The following SYNE2 variants were observed in gnomAD, a reference collection of about 807,000 sequenced individuals.
SYNE2 encodes the protein spectrin repeat containing nuclear envelope protein 2.
SYNE2 carries 431 observed loss-of-function variants against 856.3 expected under a neutral mutation model. The observed-to-expected ratio is 0.50, with a 90% CI of 0.47 to 0.55. The LOEUF (loss-of-function observed/expected upper bound fraction) is 0.55. SYNE2 is among the 20% of genes least tolerant of loss of function. The pLI, the probability that SYNE2 is intolerant of heterozygous loss-of-function variation, is 0.00. For synonymous variants in SYNE2, 2,923 were observed against 2,872.3 expected, an observed-to-expected ratio of 1.02 and a Z score of -0.56; for missense variants, 8,129 against 8,023.2, an observed-to-expected ratio of 1.01 and a Z score of -0.50.
Position 64,141,937 on chromosome 14 carries a change from T to TA in SYNE2, c.15160-4dup, listed in dbSNP as rs2098142353. 6.2e-7 allele frequency: 1 copy of TA among 1,613,790 alleles called. No individual in the cohort carries two copies. The highest frequency in any genetic ancestry group is 8.5e-7 in the Non-Finnish European group (1 of 1,179,936). ...AATTAAATGGAAATCATTTTGTTCT[T>TA]ACAGCTTCAAATGGAGAAATTGCCG... On this transcript the variant is annotated splice_polypyrimidine_tract_variant and splice_region_variant and intron_variant, in intron 81 of 115. Transcript: ENST00000555002.
chr14:64,187,977 T>G (rs1455638869), intron 97 of SYNE2, among the ~76,000 whole-genome samples: 1 of 152,178 alleles, frequency 6.6e-6, no homozygotes, highest in Non-Finnish European at 1.5e-5. Context: ...TGATGATACT[T>G]TTATGGTTTC....
intron 1 of SYNE2, among the ~76,000 whole-genome samples, chr14:63,807,481 A>G (rs893370687): frequency 5.3e-5 from 8 of 152,086 alleles, no homozygotes; most frequent in African/African-American, 1.9e-4. Context: ...TTGGAAAAGG[A>G]TATCTTGTGT....
At chr14:64,013,966 A>T (rs957992798) in intron 32 of SYNE2, among the ~76,000 whole-genome samples, 5 of 151,984 alleles carry the variant, frequency 3.3e-5, no homozygotes, top group Non-Finnish European at 7.4e-5. Context: ...CACCACAAGG[A>T]TTCTTGTTAT....
Position 63,960,688 on chromosome 14 carries a change from A to G in SYNE2, c.788-837A>G, listed in dbSNP as rs1220902646. On this transcript the variant is annotated intron_variant, in intron 8 of 115. Transcript: ENST00000555002. ...ATTAGGTGTTCATTTTGTCTGTGAC[A>G]TATTGCATTCACCCTTTTGTGATTT... 1.5e-5 allele frequency: 11 copies of G among 741,498 alleles called. No homozygotes were observed. In the South Asian group the frequency reaches 1.5e-4, roughly 10 times the overall value. The allele number at this position is 741,498 out of a possible 1,614,324, so 45.9% of individuals were successfully genotyped here.
At chr14:63,986,195 G>T (rs1244039667) in intron 18 of SYNE2, among the ~76,000 whole-genome samples, 2 of 152,028 alleles carry the variant, frequency 1.3e-5, no homozygotes, top group East Asian at 1.9e-4. Flanking sequence ...AAACTCCTGG[G>T]TTTAGGCAAT....
chr14:63,785,107 T>C (rs56859650), intron 1 of SYNE2, among the ~76,000 whole-genome samples: 5,315 of 152,248 alleles, frequency 0.035, 184 homozygotes, highest in African/African-American at 0.085. Context: ...TATTTTTGTT[T>C]TGGAAATATT....
intron 1 of SYNE2, among the ~76,000 whole-genome samples, chr14:63,881,903 C>A (rs1371388767): frequency 2.6e-5 from 4 of 152,168 alleles, no homozygotes; most frequent in Non-Finnish European, 4.4e-5. Flanking sequence ...ATTATGGAGA[C>A]TGTTAGCCTT....
chr14:64,170,260 C>T lies in SYNE2; in HGVS notation c.17033C>T (p.Thr5678Met), dbSNP rs147365925. Residue 5678 changes from threonine to methionine, a missense_variant, in exon 94 of 116, where the codon ACG becomes ATG. Around this residue, in one of 3 missense-constraint regions of SYNE2, gnomAD observed 5,410 missense variants for 5,284.8 expected, o/e 1.02. Transcript: ENST00000555002. ...PEFITEFSKL[T>M]DRWQNAVQGV... Reference sequence around the variant, plus strand: ...TTTATTACAGAATTCTCAAAGCTGACGGATCGGTGGCAGAATGCTGTCCAG... The same window carrying T: ...TTTATTACAGAATTCTCAAAGCTGATGGATCGGTGGCAGAATGCTGTCCAG... 644 of 1,614,058 alleles carry T rather than the reference C, an allele frequency of 4.0e-4. No homozygotes were observed. The highest frequency in any genetic ancestry group is 1.9e-3 in the Admixed American group (112 of 60,028).
chr14:63,909,302 T>C, intron 2 of SYNE2, 75 bp downstream of exon 2: 1 of 983,340 alleles, frequency 1.0e-6, no homozygotes, highest in Non-Finnish European at 1.6e-6. Flanking sequence ...CAAGTCACAC[T>C]GATTTTCGTC....
At chr14:64,128,391 T>C (rs923887085) in intron 73 of SYNE2, 61 bp from the exon 74 acceptor site, 55 of 900,100 alleles carry the variant, frequency 6.1e-5, no homozygotes, top group Non-Finnish European at 9.5e-5. Context: ...ACCAACTAAA[T>C]ATAAAAAAAG....
At chr14:63,781,524 G>A (rs546355748) in intron 1 of SYNE2, among the ~76,000 whole-genome samples, 13 of 150,076 alleles carry the variant, frequency 8.7e-5, no homozygotes, top group Non-Finnish European at 1.8e-4. Context: ...TCGCTCTGTC[G>A]CCCAGGCTGG....
Position 63,919,972 on chromosome 14 carries a change from G to GTTTTTTTTTTTTTTT in SYNE2, c.79+10750_79+10764dup, listed in dbSNP as rs10673123. ...ATATCAGGCACATGATAAAAGGTAAGTTTTTTTTTTTTTTTTTTTAAGGTA... is the reference window on the plus strand; with the variant it reads ...ATATCAGGCACATGATAAAAGGTAAGTTTTTTTTTTTTTTTTTTTTTTTTTTTTTTTTTTAAGGTA... On this transcript the variant is annotated intron_variant, in intron 2 of 115. Transcript: ENST00000555002. Among the ~76,000 whole-genome samples, 290 of 110,554 alleles carry GTTTTTTTTTTTTTTT rather than the reference G, an allele frequency of 2.6e-3. 12 individuals carry two copies. Among genetic ancestry groups the GTTTTTTTTTTTTTTT allele is most frequent in the Non-Finnish European group, 3.7e-3 (205 of 55,118 alleles). The allele number at this position is 110,554 out of a possible 152,430, so 72.5% of individuals were successfully genotyped here. A position where few individuals can be genotyped will look rare whatever the true frequency, so the allele number is the denominator to read the frequency against.
intron 14 of SYNE2, 31 bp from the exon 15 acceptor site, chr14:63,980,623 A>C (rs563790469): frequency 2.0e-4 from 291 of 1,432,202 alleles, no homozygotes; most frequent in South Asian, 1.2e-3. Flanking sequence ...AAAAGTAAAA[A>C]CTGTCAATAT....
rs373301640 is a variant in SYNE2 at position 64,192,320 on chromosome 14, A to G, written c.18038+2083A>G. ...CGGGCCCTTGGCACTAGTCGAGGGT[A>G]TGATGGCATCAAACCCATTCATGGA... On this transcript the variant is annotated intron_variant, in intron 99 of 115. Coordinates refer to ENST00000555002, the MANE Select transcript of SYNE2 (RefSeq NM_182914.3). 7.2e-5 allele frequency among the ~76,000 whole-genome samples: 11 copies of G among 152,310 alleles called. No individual in the cohort carries two copies. The East Asian group carries it at 7.7e-4, about 11-fold the overall frequency.
chr14:64,123,030 C>T (rs1331139477), intron 70 of SYNE2, among the ~76,000 whole-genome samples: 6 of 149,942 alleles, frequency 4.0e-5, no homozygotes, highest in Non-Finnish European at 7.4e-5. Context: ...ACCTGGGAGG[C>T]GGAGGTTATG....
Position 64,139,450 on chromosome 14 carries a change from C to T in SYNE2, c.14844-491C>T, listed in dbSNP as rs1232121201. On this transcript the variant is annotated intron_variant, in intron 79 of 115. Coordinates refer to ENST00000555002, the MANE Select transcript of SYNE2 (RefSeq NM_182914.3). ...TATTTGAGACAGAGTCTTGCTCTGTCGCCCAGGCTGGAGTACAGTGGCGCA... is the reference window on the plus strand; with the variant it reads ...TATTTGAGACAGAGTCTTGCTCTGTTGCCCAGGCTGGAGTACAGTGGCGCA... Among the ~76,000 whole-genome samples the T allele has an allele frequency of 2.6e-5, 4 of 151,220 alleles. No individual in the cohort carries two copies. In the South Asian group the frequency reaches 8.4e-4, roughly 32 times the overall value.
At position 63,964,890 on chromosome 14, in the gene SYNE2, C is replaced by T. The variant is rs117456350; in HGVS notation, c.990+890C>T. On this transcript the variant is annotated intron_variant, in intron 10 of 115. Transcript: ENST00000555002. ...ATCAGGAATAGGGATCCTAGAATTA[C>T]AATACAGGGCTCAACCGAGAGTCCT... Among the ~76,000 whole-genome samples, 664 of 150,944 alleles carry T rather than the reference C, an allele frequency of 4.4e-3. 30 individuals carry two copies. In the East Asian group the frequency reaches 0.1, roughly 24 times the overall value.
intron 1 of SYNE2, among the ~76,000 whole-genome samples, chr14:63,871,228 A>C (rs1400642201): frequency 6.6e-6 from 1 of 150,890 alleles, no homozygotes; most frequent in Non-Finnish European, 1.5e-5. Context: ...TTTTTGAGAC[A>C]GAGTTTCACT....
chr14:63,836,926 T>C (rs1360931940), intron 1 of SYNE2, among the ~76,000 whole-genome samples: 1 of 152,236 alleles, frequency 6.6e-6, no homozygotes, highest in Non-Finnish European at 1.5e-5. Context: ...TATGTAGTTA[T>C]AGTAGATTCA....
Sources: allele counts gnomAD v4.1 joint callset (sites outside exome capture counted in the v4.1 genomes callset), GRCh38; gene constraint gnomAD v4.1.1; regional missense constraint gnomAD v4.1.1; transcripts MANE v1.5; gene names NCBI Gene and HGNC (gene_info 2026-07-23, HGNC 2026-07-21).